The following MAJIN variants were observed in gnomAD, a reference collection of about 807,000 sequenced individuals.
The protein encoded by MAJIN is membrane-anchored junction protein.
MAJIN carries 27 observed loss-of-function variants against 30.2 expected under a neutral mutation model. That is an observed-to-expected ratio of 0.89 (90% confidence interval 0.66 to 1.23). The LOEUF (loss-of-function observed/expected upper bound fraction) is 1.23, where lower values mean the gene tolerates loss of function less well. Ranked by LOEUF, MAJIN falls within the 50% of genes most tolerant of loss-of-function variation. The pLI, the probability that MAJIN is intolerant of heterozygous loss-of-function variation, is 0.00. For missense variants in MAJIN, 253 were observed against 260.3 expected, an observed-to-expected ratio of 0.97 and a Z score of 0.19; for synonymous variants, 78 against 91.6, an observed-to-expected ratio of 0.85 and a Z score of 0.85.
chr11:64,965,974 A>G (rs902925485), intron 1 of MAJIN, among the ~76,000 whole-genome samples: 1 of 151,224 alleles, frequency 6.6e-6, no homozygotes, highest in African/African-American at 2.4e-5. Context: ...AAAAAAAAGA[A>G]TTCACATCAT....
In MAJIN at chr11:64,947,547, C is replaced by T. The variant is rs1945470344; in HGVS notation, c.382-82G>A. 6 of 1,394,446 alleles carry T rather than the reference C, an allele frequency of 4.3e-6. No individual in the cohort carries two copies. The East Asian group carries it at 6.9e-5, about 16-fold the overall frequency. 86.4% of individuals were successfully genotyped at this position (1,394,446 alleles called of 1,614,324 possible). A position where few individuals can be genotyped will look rare whatever the true frequency, so the allele number is the denominator to read the frequency against. On this transcript the variant is annotated intron_variant, in intron 7 of 10. Transcript: ENST00000301896. ...TGAAGGCACAGTGAAGAAAACTCCC[C>T]ATCCTTAAACTGCCAAAGGCAACTT...
intron 2 of MAJIN, 63 bp from the exon 3 acceptor site, chr11:64,959,485 G>T: frequency 7.6e-7 from 1 of 1,312,876 alleles, no homozygotes; most frequent in Non-Finnish European, 1.1e-6. Context: ...ACAGGAAAGG[G>T]AACCTGCCCA....
At chr11:64,968,831 CAA>C (rs35240492) in intron 1 of MAJIN, among the ~76,000 whole-genome samples, 7 of 108,634 alleles carry the variant, frequency 6.4e-5, no homozygotes, top group Admixed American at 9.7e-5. Context: ...GACTCTGTCT[CAA>C]AAAAAAAAAA....
Position 64,950,430 on chromosome 11 carries a change from C to G in MAJIN, c.148G>C (p.Asp50His), listed in dbSNP as rs201526130. ...TTTCCCAAGACCACGCGGACAGAAT[C>G]CTGAAAAACATATTTGAAATGACTT... is the stretch of plus-strand genomic sequence containing the variant. The part of the protein sequence containing the change: ...NKEVITQELE[D>H]SVRVVLGNLD... The change falls in exon 5 of 11, where the codon GAT (aspartate) becomes CAT (histidine). Residue 50 changes from aspartate to histidine, a missense_variant and splice_region_variant. By Grantham distance (81) the Asp-to-His change is moderately conservative (BLOSUM62 -1). Transcript: ENST00000301896. 17 of 1,612,436 alleles carry G rather than the reference C, an allele frequency of 1.1e-5. No homozygotes were observed. In the African/African-American group the frequency reaches 2.3e-4, roughly 22 times the overall value.
Position 64,947,422 on chromosome 11 carries a change from C to G in MAJIN, c.425G>C (p.Arg142Pro). The change falls in exon 8 of 11, where the codon CGA becomes CCA. Residue 142 changes from arginine (R) to proline (P), a missense_variant. Physicochemically the swap from Arg to Pro is moderately radical, Grantham distance 103. Transcript: ENST00000301896. ...GGAGCTGGGCTCGTCCATGTGTTTT[C>G]GTTTCCTCATCACAGCTCCTACTGC... ...KKAVGAVMRK[R>P]KHMDEPSSPS... 1.2e-6 allele frequency: 2 copies of G among 1,613,864 alleles called. No individual in the cohort carries two copies. The highest frequency in any genetic ancestry group is 1.7e-6 in the Non-Finnish European group (2 of 1,180,034).
At chr11:64,947,724 G>C in intron 7 of MAJIN, 64 bp downstream of exon 7, 1 of 1,532,062 alleles carries the variant, frequency 6.5e-7, no homozygotes, top group South Asian at 1.1e-5. Flanking sequence ...GCAAGAGCAG[G>C]ACTTTTTGGA....
chr11:64,943,998 C>T (rs1945414084), intron 8 of MAJIN, among the ~76,000 whole-genome samples: 2 of 152,188 alleles, frequency 1.3e-5, no homozygotes, highest in South Asian at 4.1e-4. Flanking sequence ...GACTCTGCCC[C>T]TGCACACAGA....
intron 8 of MAJIN, 79 bp downstream of exon 8, chr11:64,947,295 G>C: frequency 7.9e-7 from 1 of 1,273,590 alleles, no homozygotes; most frequent in Non-Finnish European, 1.1e-6. Flanking sequence ...ACTCGCCCAA[G>C]GACAGGATCA....
intron 4 of MAJIN, chr11:64,954,420 G>T: frequency 2.3e-6 from 1 of 425,834 alleles, no homozygotes; most frequent in South Asian, 2.1e-5. Flanking sequence ...TGGTTGGGAT[G>T]GTGAGGTTTC....
intron 8 of MAJIN, among the ~76,000 whole-genome samples, chr11:64,942,917 A>G (rs1357981095): frequency 6.6e-6 from 1 of 152,200 alleles, no homozygotes; most frequent in African/African-American, 2.4e-5. Flanking sequence ...GGGAGGAGGA[A>G]CAGGAGGGCA....
At chr11:64,968,089 G>A (rs1027273695) in intron 1 of MAJIN, among the ~76,000 whole-genome samples, 1 of 152,018 alleles carries the variant, frequency 6.6e-6, no homozygotes, top group Admixed American at 6.6e-5. Flanking sequence ...TGGACAGAAA[G>A]GTCAATGTGG....
chr11:64,960,037 T>C (rs1040361519), intron 2 of MAJIN, 52 bp downstream of exon 2: 1 of 152,304 alleles, frequency 6.6e-6, no homozygotes, highest in Non-Finnish European at 1.5e-5. Context: ...TTTCCCCCAC[T>C]TGTGAGGCTT....
intron 4 of MAJIN, among the ~76,000 whole-genome samples, chr11:64,952,020 T>TA (rs1181366099): frequency 6.6e-6 from 1 of 151,742 alleles, no homozygotes; most frequent in Non-Finnish European, 1.5e-5. Flanking sequence ...CCCAAGTAGC[T>TA]AGGATTATAG....
intron 1 of MAJIN, among the ~76,000 whole-genome samples, chr11:64,967,900 AAAT>A (rs1269206503): frequency 1.1e-4 from 17 of 152,212 alleles, no homozygotes; most frequent in Admixed American, 9.8e-4. Context: ...AGCATCAAGA[AAAT>A]AATATGTGGT....
At chr11:64,948,224 C>A (rs1384287806) in intron 6 of MAJIN, among the ~76,000 whole-genome samples, 2 of 151,996 alleles carry the variant, frequency 1.3e-5, no homozygotes, top group African/African-American at 4.8e-5. Flanking sequence ...ATGTGCCCTT[C>A]TCCCTTCTAC....
chr11:64,962,774 A>C (rs1199771380), intron 1 of MAJIN, among the ~76,000 whole-genome samples: 2 of 152,172 alleles, frequency 1.3e-5, no homozygotes, highest in Non-Finnish European at 2.9e-5. Context: ...CCAGAGTATT[A>C]TATAAACGTT....
intron 6 of MAJIN, 94 bp from the exon 7 acceptor site, chr11:64,947,913 G>T: frequency 8.5e-7 from 1 of 1,169,804 alleles, no homozygotes; most frequent in Non-Finnish European, 1.2e-6. Context: ...AGACTGGAGT[G>T]CAGTGGTGCG....
At chr11:64,952,069 A>G (rs191081602) in intron 4 of MAJIN, among the ~76,000 whole-genome samples, 247 of 151,996 alleles carry the variant, frequency 1.6e-3, no homozygotes, top group African/African-American at 5.7e-3. Flanking sequence ...TTGTATTTTT[A>G]GTAGAGATGG....
chr11:64,940,512 G>A, intron 9 of MAJIN, 62 bp downstream of exon 9: 1 of 1,532,950 alleles, frequency 6.5e-7, no homozygotes. Flanking sequence ...CTACATATCA[G>A]AGAACTACAA....
Sources: gnomAD v4.1 joint callset for allele counts (sites outside exome capture counted in the v4.1 genomes callset) on GRCh38, gnomAD v4.1.1 for gene constraint, MANE v1.5 for transcripts, NCBI Gene and HGNC (gene_info 2026-07-23, HGNC 2026-07-21) for gene names.